Variants in IGSF21 observed in about 807,000 individuals in gnomAD.
IGSF21 encodes the protein immunoglobin superfamily member 21.
IGSF21 carries 28 observed loss-of-function variants against 46.8 expected under a neutral mutation model. The observed-to-expected ratio is 0.60, with a 90% CI of 0.44 to 0.82. IGSF21 has a LOEUF of 0.82. IGSF21 is among the 40% of genes least tolerant of loss of function. The pLI is 0.00. For missense variants in IGSF21, 624 were observed against 665.5 expected, an observed-to-expected ratio of 0.94 and a Z score of 0.69; for synonymous variants, 284 against 273.6, an observed-to-expected ratio of 1.04 and a Z score of -0.38.
chr1:18,210,891 A>G (rs1316902257), intron 1 of IGSF21, among the ~76,000 whole-genome samples: 1 of 152,018 alleles, frequency 6.6e-6, no homozygotes, highest in Non-Finnish European at 1.5e-5. Context: ...TTTTGGAGAC[A>G]GAGTCTCACT....
chr1:18,190,290 T>A (rs1159246136), intron 1 of IGSF21, among the ~76,000 whole-genome samples: 5 of 152,194 alleles, frequency 3.3e-5, no homozygotes, highest in Non-Finnish European at 1.5e-5. Flanking sequence ...GTCTTGAGAG[T>A]ACCGCAATCT....
At chr1:18,342,065 T>TTG (rs1553165080) in intron 4 of IGSF21, among the ~76,000 whole-genome samples, 9 of 124,546 alleles carry the variant, frequency 7.2e-5, no homozygotes, top group East Asian at 3.9e-4. Flanking sequence ...TTTTTTTTTT[T>TTG]TTTGTTTGTT....
chr1:18,244,540 C>T (rs1286752172), intron 2 of IGSF21, among the ~76,000 whole-genome samples: 1 of 152,224 alleles, frequency 6.6e-6, no homozygotes, highest in South Asian at 2.1e-4. Context: ...TTGCACAAGT[C>T]CAGCTGCATT....
At chr1:18,190,054 C>T (rs141744604) in intron 1 of IGSF21, among the ~76,000 whole-genome samples, 50 of 152,320 alleles carry the variant, frequency 3.3e-4, no homozygotes, top group African/African-American at 1.1e-3. Flanking sequence ...TCTTCCTGGA[C>T]AGAGACCCTG....
At chr1:18,369,091 T>C (rs1453669220) in intron 6 of IGSF21, among the ~76,000 whole-genome samples, 1 of 152,074 alleles carries the variant, frequency 6.6e-6, no homozygotes, top group Admixed American at 6.5e-5. Flanking sequence ...GACAGGCAGG[T>C]CTGCACACAC....
chr1:18,207,814 C>T (rs1270998576), intron 1 of IGSF21, among the ~76,000 whole-genome samples: 1 of 152,176 alleles, frequency 6.6e-6, no homozygotes, highest in Admixed American at 6.5e-5. Context: ...TGGTCTGGTG[C>T]CTGGCTCAGA....
rs147874280 is a variant in IGSF21 at position 18,329,858 on chromosome 1, C to A, written c.306-5034C>A. Among the ~76,000 whole-genome samples, 307 of 152,320 alleles carry A rather than the reference C, an allele frequency of 2.0e-3. 3 individuals are homozygous for A. The highest frequency in any genetic ancestry group is 6.3e-3 in the African/African-American group (261 of 41,572). ...ATTCAGCAGAAGCTGCAGTGCCCAG[C>A]GCTTGCATGGCCTTACCTAGTGAAG... On this transcript the variant is annotated intron_variant, in intron 3 of 9. Coordinates refer to ENST00000251296, the MANE Select transcript of IGSF21 (RefSeq NM_032880.5).
intron 3 of IGSF21, among the ~76,000 whole-genome samples, chr1:18,318,568 C>G (rs967990761): frequency 6.6e-6 from 1 of 151,846 alleles, no homozygotes; most frequent in African/African-American, 2.4e-5. Flanking sequence ...GAATTTGAAC[C>G]CACTGGGCAC....
chr1:18,272,168 T>C (rs2124546211), intron 2 of IGSF21, among the ~76,000 whole-genome samples: 1 of 152,238 alleles, frequency 6.6e-6, no homozygotes, highest in South Asian at 2.1e-4. Flanking sequence ...GAAAGGGTTT[T>C]CCCCTTATAA....
At chr1:18,154,008 C>G (rs2086545302) in intron 1 of IGSF21, among the ~76,000 whole-genome samples, 1 of 152,200 alleles carries the variant, frequency 6.6e-6, no homozygotes, top group Non-Finnish European at 1.5e-5. Context: ...CGATCCGTTC[C>G]TAGGTCTCAC....
chr1:18,117,156 TTA>T (rs1427109077), intron 1 of IGSF21, among the ~76,000 whole-genome samples: 1 of 152,188 alleles, frequency 6.6e-6, no homozygotes, highest in Non-Finnish European at 1.5e-5. Context: ...CTCCACTGGG[TTA>T]TAAATGGTTG....
chr1:18,201,368 G>A lies in IGSF21; in HGVS notation c.71-26530G>A, dbSNP rs546559214. Reference sequence around the variant, plus strand: ...AGATTGTGGAACTGAGACATGGTAGGAGCAGAATCGTGGCTCCAAGGGCTA... The same window carrying A: ...AGATTGTGGAACTGAGACATGGTAGAAGCAGAATCGTGGCTCCAAGGGCTA... On this transcript the variant is annotated intron_variant, in intron 1 of 9. Transcript: ENST00000251296. Among the ~76,000 whole-genome samples, 3 of 152,332 alleles carry A rather than the reference G, an allele frequency of 2.0e-5. No homozygotes were observed. In the South Asian group the frequency reaches 6.2e-4, roughly 32 times the overall value.
chr1:18,253,559 T>C (rs928431205), intron 2 of IGSF21, among the ~76,000 whole-genome samples: 1 of 152,232 alleles, frequency 6.6e-6, no homozygotes, highest in African/African-American at 2.4e-5. Flanking sequence ...ATAAAGAGAA[T>C]GTTAAAACCT....
chr1:18,372,663 TGGGTGGATGGAG>T (rs1163293027), intron 6 of IGSF21, among the ~76,000 whole-genome samples: 30 of 146,396 alleles, frequency 2.0e-4, no homozygotes, highest in Non-Finnish European at 3.0e-4. Flanking sequence ...GATGTTTGGA[TGGGTGGATGGAG>T]GGATGGATGG....
chr1:18,319,746 G>T (rs891023918), intron 3 of IGSF21, among the ~76,000 whole-genome samples: 10 of 152,168 alleles, frequency 6.6e-5, no homozygotes, highest in Non-Finnish European at 1.3e-4. Flanking sequence ...TTGCTCCTCA[G>T]TGAAGCCTCC....
chr1:18,199,636 C>T (rs1363205135), intron 1 of IGSF21, among the ~76,000 whole-genome samples: 1 of 152,124 alleles, frequency 6.6e-6, no homozygotes, highest in African/African-American at 2.4e-5. Flanking sequence ...TCGGTGGCTG[C>T]GGTAATAGAG....
At chr1:18,123,300 C>T (rs953427724) in intron 1 of IGSF21, among the ~76,000 whole-genome samples, 1 of 152,156 alleles carries the variant, frequency 6.6e-6, no homozygotes, top group African/African-American at 2.4e-5. Context: ...TCTAGAGAAC[C>T]CTGGCAAAGA....
chr1:18,193,951 A>G (rs929822363), intron 1 of IGSF21, among the ~76,000 whole-genome samples: 3 of 152,206 alleles, frequency 2.0e-5, no homozygotes, highest in Admixed American at 2.0e-4. Context: ...ACTTGAGGAC[A>G]TTCAGGAATC....
At chr1:18,260,307 G>T (rs1300122901) in intron 2 of IGSF21, among the ~76,000 whole-genome samples, 2 of 152,246 alleles carry the variant, frequency 1.3e-5, no homozygotes, top group South Asian at 4.1e-4. Context: ...AGAAATGGTG[G>T]CAGGAGAGCT....
Sources: gnomAD v4.1 joint callset for allele counts (sites outside exome capture counted in the v4.1 genomes callset) on GRCh38, gnomAD v4.1.1 for gene constraint, MANE v1.5 for transcripts, NCBI Gene and HGNC (gene_info 2026-07-23, HGNC 2026-07-21) for gene names.